Variants in TOR1AIP1 observed in about 807,000 individuals in gnomAD.
TOR1AIP1 encodes the protein torsin-1A-interacting protein 1.
In TOR1AIP1, 54 loss-of-function variants were observed where a neutral mutation model predicts 63.3. That is an observed-to-expected ratio of 0.85 (90% CI 0.69 to 1.07). TOR1AIP1 has a LOEUF of 1.07. Among genes scored for constraint, TOR1AIP1 ranks in the 50% least tolerant of loss-of-function variants. The pLI, the probability that TOR1AIP1 is intolerant of heterozygous loss-of-function variation, is 0.00. For missense variants in TOR1AIP1, 736 were observed against 715.0 expected, an observed-to-expected ratio of 1.03 and a Z score of -0.33; for synonymous variants, 294 against 273.5, an observed-to-expected ratio of 1.07 and a Z score of -0.74.
chr1:179,907,916 T>TC (rs1648704498), intron 7 of TOR1AIP1, 52 bp downstream of exon 7: 2 of 1,078,004 alleles, frequency 1.9e-6, no homozygotes, highest in East Asian at 6.1e-5. Flanking sequence ...CTTTTCTCTT[T>TC]TTTTTTTTTT....
chr1:179,885,384 G>A (rs985341901), intron 2 of TOR1AIP1, among the ~76,000 whole-genome samples: 1 of 152,136 alleles, frequency 6.6e-6, no homozygotes, highest in Non-Finnish European at 1.5e-5. Flanking sequence ...TAAAAAAATT[G>A]TCAGAATCAA....
intron 5 of TOR1AIP1, among the ~76,000 whole-genome samples, chr1:179,901,646 CTTG>C (rs1041390130): frequency 3.9e-5 from 6 of 152,174 alleles, no homozygotes; most frequent in South Asian, 4.1e-4. Flanking sequence ...AGAAGAGTTA[CTTG>C]TTGTTTTTTG....
chr1:179,919,219 A>G lies in TOR1AIP1; in HGVS notation c.*980A>G, dbSNP rs1405965699. The G allele has an allele frequency of 6.6e-6, 1 of 152,006 alleles. No individual in the cohort carries two copies. The highest frequency in any genetic ancestry group is 1.5e-5 in the Non-Finnish European group (1 of 68,040). 9.4% of individuals were successfully genotyped at this position (152,006 alleles called of 1,614,324 possible). A position where few individuals can be genotyped will look rare whatever the true frequency, so the allele number is the denominator to read the frequency against. ...GCGGAGGTTGCAGTAAGCCGAGACC[A>G]TGCTTATTGCCCTCCAGTCTGGGCA... On this transcript the variant is annotated 3_prime_UTR_variant, in exon 10 of 10. Transcript: ENST00000606911.
Position 179,884,806 on chromosome 1 carries a change from A to T in TOR1AIP1, c.553+37A>T, listed in dbSNP as rs199614617. 785 of 1,483,150 alleles carry T rather than the reference A, an allele frequency of 5.3e-4. 3 individuals carry two copies. In the Middle Eastern group the frequency reaches 6.3e-3, roughly 12 times the overall value. The allele number at this position is 1,483,150 out of a possible 1,614,324, so 91.9% of individuals were successfully genotyped here. On this transcript the variant is annotated intron_variant, in intron 2 of 9. Transcript: ENST00000606911. ...TAACTTTTTGTTTTTCTCCTTACCTACCAACTTTTTAAATGTTCATTGAAT... is the reference window on the plus strand; with the variant it reads ...TAACTTTTTGTTTTTCTCCTTACCTTCCAACTTTTTAAATGTTCATTGAAT...
chr1:179,883,695 G>A (rs1647818169), intron 1 of TOR1AIP1: 1 of 456,018 alleles, frequency 2.2e-6, no homozygotes, highest in Admixed American at 2.4e-5. Flanking sequence ...GACTGACAAA[G>A]TAACCTGAAA....
chr1:179,883,961 G>C (rs480498), intron 1 of TOR1AIP1: 121,839 of 209,328 alleles, frequency 0.58, 36,737 homozygotes, highest in East Asian at 0.76. Flanking sequence ...ACTATTGATA[G>C]GCGGAGGAGT....
chr1:179,917,430 C>A, intron 9 of TOR1AIP1, 22 bp from the exon 10 acceptor site: 1 of 1,581,508 alleles, frequency 6.3e-7, no homozygotes, highest in South Asian at 1.2e-5. Context: ...TTATATCTGT[C>A]ATTTCTTTTT....
chr1:179,898,179 T>C (rs977723647), intron 3 of TOR1AIP1, among the ~76,000 whole-genome samples: 2 of 152,280 alleles, frequency 1.3e-5, no homozygotes, highest in East Asian at 3.9e-4. Flanking sequence ...TGTAATAGAC[T>C]GGAAGTCAGA....
chr1:179,891,781 G>A (rs765099415), intron 3 of TOR1AIP1, among the ~76,000 whole-genome samples: 4 of 151,952 alleles, frequency 2.6e-5, no homozygotes, highest in Admixed American at 6.6e-5. Flanking sequence ...GGTCAGGCTG[G>A]TCTCGAACTC....
At chr1:179,909,765 G>C (rs910804175) in intron 8 of TOR1AIP1, among the ~76,000 whole-genome samples, 2 of 151,736 alleles carry the variant, frequency 1.3e-5, no homozygotes, top group African/African-American at 4.8e-5. Context: ...GTTTTGTTTT[G>C]TTTTGGGTTT....
intron 1 of TOR1AIP1, among the ~76,000 whole-genome samples, chr1:179,883,332 T>C (rs1485530217): frequency 2.0e-5 from 3 of 152,182 alleles, no homozygotes; most frequent in Non-Finnish European, 2.9e-5. Flanking sequence ...CGGTTCCCTC[T>C]ACCCTGCGGA....
intron 3 of TOR1AIP1, among the ~76,000 whole-genome samples, chr1:179,899,547 A>G (rs192756889): frequency 5.5e-4 from 84 of 152,312 alleles, no homozygotes; most frequent in African/African-American, 1.9e-3. Flanking sequence ...TATACACACT[A>G]GAATATTTGT....
rs181749209 is a variant in TOR1AIP1, at chr1:179,915,673, A to G, written c.964+1619A>G. ...CTTAGGAGGCTGAGGCAGGAGAATC[A>G]CTTGAACCTGGGAGGCAGAGGTTGC... On this transcript the variant is annotated intron_variant, in intron 9 of 9. Coordinates refer to ENST00000606911, the MANE Select transcript of TOR1AIP1 (RefSeq NM_015602.4). 5.3e-3 allele frequency among the ~76,000 whole-genome samples: 800 copies of G among 152,180 alleles called. 9 individuals carry two copies. The highest frequency in any genetic ancestry group is 0.021 in the South Asian group (101 of 4,820).
chr1:179,889,267 T>C, intron 2 of TOR1AIP1, 46 bp from the exon 3 acceptor site: 1 of 1,446,032 alleles, frequency 6.9e-7, no homozygotes, highest in Non-Finnish European at 9.6e-7. Context: ...CTAGTATGTT[T>C]CACATTTTAT....
intron 3 of TOR1AIP1, 149 bp downstream of exon 3, chr1:179,889,518 C>T (rs1648002745): frequency 3.8e-6 from 2 of 522,984 alleles, no homozygotes; most frequent in East Asian, 6.5e-5. Flanking sequence ...GTCATTCAGC[C>T]AGCCAGTCTC....
Position 179,882,697 on chromosome 1 carries a change from A to G in TOR1AIP1, c.195A>G (p.Glu65=), listed in dbSNP as rs948237168. Residue 65 remains glutamate (E), a synonymous_variant, in exon 1 of 10, where the codon GAA becomes GAG. Transcript: ENST00000606911. ...TGAGGTTCTCGGACGAGCCGCCAGA[A>G]GTGTACGGCGACTTCGAGCCCCTGG... is the stretch of plus-strand genomic sequence containing the variant. ...REVRFSDEPP[E]VYGDFEPLVA... 1 of 1,611,596 alleles carries G rather than the reference A, an allele frequency of 6.2e-7. No individual in the cohort carries two copies. Among genetic ancestry groups the G allele is most frequent in the Non-Finnish European group, 8.5e-7 (1 of 1,178,552 alleles).
At chr1:179,912,011 CTTTTTTTTT>C (rs760415120) in intron 8 of TOR1AIP1, among the ~76,000 whole-genome samples, 1 of 45,896 alleles carries the variant, frequency 2.2e-5, no homozygotes, top group African/African-American at 7.7e-5. Context: ...TCTTTTTTTT[CTTTTTTTTT>C]TCTTTTTTCT....
At chr1:179,899,256 A>G (rs1401955464) in intron 3 of TOR1AIP1, among the ~76,000 whole-genome samples, 1 of 42,554 alleles carries the variant, frequency 2.3e-5, no homozygotes, top group Non-Finnish European at 5.1e-5. Context: ...GGTACATCTC[A>G]CTATTTTTTT....
Position 179,914,033 on chromosome 1 carries a change from TCAC to T in TOR1AIP1, c.946_948del (p.Pro316del). 1 of 1,613,956 alleles carries T rather than the reference TCAC, an allele frequency of 6.2e-7. No homozygotes were observed. ...TCTGAAATCAGAGCTTGGAAACCAG[TCAC>T]CATCAACCTCCAGCCGACGTAAGTT... On this transcript the variant is annotated inframe_deletion, in exon 9 of 10. Coordinates refer to ENST00000606911, the MANE Select transcript of TOR1AIP1 (RefSeq NM_015602.4).
Sources: gnomAD v4.1 joint callset for allele counts (sites outside exome capture counted in the v4.1 genomes callset) on GRCh38, gnomAD v4.1.1 for gene constraint, MANE v1.5 for transcripts, NCBI Gene and HGNC (gene_info 2026-07-23, HGNC 2026-07-21) for gene names.